The following HYAL4 variants were observed in gnomAD, a reference collection of about 807,000 sequenced individuals.
HYAL4 encodes hyaluronidase 4, also known as hyaluronidase-4.
Under a neutral mutation model 35.2 loss-of-function variants are expected in HYAL4, and 37 were observed. The observed-to-expected ratio is 1.05, with a 90% CI of 0.81 to 1.38. The LOEUF is 1.38. Ranked by LOEUF, HYAL4 falls within the 40% of genes most tolerant of loss-of-function variation. HYAL4 has a pLI of 0.00. For synonymous variants in HYAL4, 198 were observed against 203.2 expected (o/e 0.97, Z 0.22); for missense variants, 572 against 572.4 (o/e 1.00, Z 0.01).
At chr7:123,804,472 ACCTTAATTTTGTCTAT>A in the HYAL4 span, among the ~76,000 whole-genome samples, 1 of 152,080 alleles carries the variant, frequency 6.6e-6, no homozygotes, top group African/African-American at 2.4e-5. Context: ...AATAAAATTA[ACCTTAATTTTGTCTAT>A]CTTTTTCTGT....
At chr7:123,831,367 G>A (rs1805880620) in intron 1 of HYAL4, among the ~76,000 whole-genome samples, 1 of 152,066 alleles carries the variant, frequency 6.6e-6, no homozygotes, top group South Asian at 2.1e-4. Flanking sequence ...CCAGCCTCAG[G>A]TATTTGACTA....
chr7:123,796,091 G>GTAA, the HYAL4 span, among the ~76,000 whole-genome samples: 1 of 152,240 alleles, frequency 6.6e-6, no homozygotes, highest in Non-Finnish European at 1.5e-5. Flanking sequence ...TGAAGCCTCT[G>GTAA]TAAAGCTTGT....
chr7:123,800,174 CTTTA>C, the HYAL4 span, among the ~76,000 whole-genome samples: 79 of 143,556 alleles, frequency 5.5e-4, no homozygotes, highest in Middle Eastern at 3.5e-3. Flanking sequence ...ATTTTTTTTA[CTTTA>C]TTTATTTTTT....
intron 1 of HYAL4, among the ~76,000 whole-genome samples, chr7:123,835,406 T>A (rs1388066615): frequency 6.6e-6 from 1 of 152,180 alleles, no homozygotes; most frequent in Non-Finnish European, 1.5e-5. Flanking sequence ...TCTTTTATAT[T>A]TCAGTGGTGT....
chr7:123,778,174 T>C, the HYAL4 span, among the ~76,000 whole-genome samples: 1 of 151,808 alleles, frequency 6.6e-6, no homozygotes, highest in Non-Finnish European at 1.5e-5. Flanking sequence ...TCTATCTATC[T>C]ATCTATCTAT....
At chr7:123,778,932 T>G in the HYAL4 span, among the ~76,000 whole-genome samples, 1 of 152,216 alleles carries the variant, frequency 6.6e-6, no homozygotes. Flanking sequence ...GCCAAGTAGA[T>G]ATGAGAATCC....
At chr7:123,836,742 A>T (rs1805970225) in intron 1 of HYAL4, among the ~76,000 whole-genome samples, 1 of 151,794 alleles carries the variant, frequency 6.6e-6, no homozygotes, top group African/African-American at 2.4e-5. Context: ...CAAGATTTGG[A>T]GCTCTTGGCC....
intron 2 of HYAL4, among the ~76,000 whole-genome samples, chr7:123,864,960 G>C (rs1486803117): frequency 1.3e-5 from 2 of 151,890 alleles, no homozygotes; most frequent in Non-Finnish European, 2.9e-5. Context: ...CATTTTATCA[G>C]GAGCTATGTC....
intron 1 of HYAL4, 144 bp from the exon 2 acceptor site, chr7:123,847,943 GTA>G (rs1402560308): frequency 4.6e-5 from 7 of 152,412 alleles, no homozygotes; most frequent in African/African-American, 1.2e-4. Flanking sequence ...TTTAAACTGG[GTA>G]TTTTCAGAAA....
At chr7:123,860,403 G>A (rs1437744578) in intron 2 of HYAL4, among the ~76,000 whole-genome samples, 1 of 152,142 alleles carries the variant, frequency 6.6e-6, no homozygotes, top group African/African-American at 2.4e-5. Flanking sequence ...GTATGTGTGT[G>A]TGTATATATA....
At chr7:123,847,472 A>G (rs940067042) in intron 1 of HYAL4, among the ~76,000 whole-genome samples, 3 of 152,184 alleles carry the variant, frequency 2.0e-5, no homozygotes, top group Admixed American at 6.5e-5. Context: ...ATTAGGATCT[A>G]TTTTTTTAAT....
chr7:123,818,407 C>T, the HYAL4 span, among the ~76,000 whole-genome samples: 6 of 152,102 alleles, frequency 3.9e-5, no homozygotes, highest in African/African-American at 1.4e-4. Flanking sequence ...CATACTCATT[C>T]TCAAGAGTCT....
chr7:123,769,884 G>T, the HYAL4 span, among the ~76,000 whole-genome samples: 1 of 150,182 alleles, frequency 6.7e-6, no homozygotes, highest in Admixed American at 6.6e-5. Context: ...GGTAAAATGT[G>T]ATATGAGGAC....
chr7:123,800,843 C>G, the HYAL4 span, among the ~76,000 whole-genome samples: 1 of 151,386 alleles, frequency 6.6e-6, no homozygotes, highest in Non-Finnish European at 1.5e-5. Flanking sequence ...GTATTTTTAG[C>G]AGAGACGGGG....
At position 123,868,796 on chromosome 7, in the gene HYAL4, G is replaced by A; in HGVS notation, c.523G>A (p.Gly175Arg). 3.1e-6 allele frequency: 5 copies of A among 1,614,178 alleles called. No homozygotes were observed. The highest frequency in any genetic ancestry group is 4.2e-6 in the Non-Finnish European group (5 of 1,180,024). The stretch of plus-strand genomic sequence containing the variant: ...GTCAAGAAAGCTTATTTCCGATATG[G>A]GAAAGAATGTATCAGCTACCGATAT... Reference protein sequence around the residue: ...QKSRKLISDMGKNVSATDIEY... With the variant: ...QKSRKLISDMRKNVSATDIEY... The change falls in exon 3 of 5, where the codon GGA (glycine) becomes AGA (arginine). Residue 175 changes from glycine (G) to arginine (R), a missense_variant. Transcript: ENST00000223026.
chr7:123,796,499 G>C, the HYAL4 span, among the ~76,000 whole-genome samples: 1 of 152,194 alleles, frequency 6.6e-6, no homozygotes, highest in Non-Finnish European at 1.5e-5. Flanking sequence ...CAAGACAACA[G>C]AGCAAGCAAC....
chr7:123,847,433 A>C (rs1806198079), intron 1 of HYAL4, among the ~76,000 whole-genome samples: 1 of 152,170 alleles, frequency 6.6e-6, no homozygotes, highest in Non-Finnish European at 1.5e-5. Flanking sequence ...TACTCTATTC[A>C]ACGATTCCAT....
chr7:123,874,891 A>G, intron 4 of HYAL4, 41 bp downstream of exon 4: 1 of 1,157,760 alleles, frequency 8.6e-7, no homozygotes, highest in Non-Finnish European at 1.3e-6. Context: ...GTTTTCTATT[A>G]AAAGTATTTC....
the HYAL4 span, among the ~76,000 whole-genome samples, chr7:123,795,383 T>A: frequency 6.6e-6 from 1 of 152,136 alleles, no homozygotes; most frequent in Non-Finnish European, 1.5e-5. Flanking sequence ...GACATGAGAT[T>A]TGGGAGGGGC....
Sources: gnomAD v4.1 joint callset for allele counts (sites outside exome capture counted in the v4.1 genomes callset) on GRCh38, gnomAD v4.1.1 for gene constraint, MANE v1.5 for transcripts, NCBI Gene and HGNC (gene_info 2026-07-23, HGNC 2026-07-21) for gene names.